SYT13: variants seen among roughly 807,000 people sequenced by gnomAD.
SYT13 encodes the protein synaptotagmin-13.
A neutral mutation model predicts 38.6 loss-of-function variants in SYT13; 21 were observed. The observed-to-expected ratio is 0.54, with a 90% CI of 0.39 to 0.78. SYT13 has a LOEUF of 0.78. Among genes scored for constraint, SYT13 ranks in the 30% least tolerant of loss-of-function variants. The pLI is 0.00. For synonymous variants in SYT13, 241 were observed against 237.6 expected (o/e 1.01, Z -0.13); for missense variants, 495 against 548.7 (o/e 0.90, Z 0.98).
intron 1 of SYT13, among the ~76,000 whole-genome samples, chr11:45,258,119 G>T (rs1275305763): frequency 6.6e-6 from 1 of 152,232 alleles, no homozygotes; most frequent in Non-Finnish European, 1.5e-5. Context: ...GAATCATGCA[G>T]CTGGTGAGGG....
At chr11:45,275,417 C>T (rs930563710) in intron 1 of SYT13, among the ~76,000 whole-genome samples, 9 of 152,176 alleles carry the variant, frequency 5.9e-5, no homozygotes, top group Non-Finnish European at 1.2e-4. Context: ...TGCAACTCCC[C>T]CTCATTATTT....
Position 45,243,811 on chromosome 11 carries a change from T to A in SYT13, c.*241A>T, listed in dbSNP as rs1854581273. On this transcript the variant is annotated 3_prime_UTR_variant, in exon 6 of 6. Coordinates refer to ENST00000020926, the MANE Select transcript of SYT13 (RefSeq NM_020826.3). ...AAACAGGCATAGGAACTGTATTTAA[T>A]AAGCACCTCCTTCAATAACACAGAT... 1 of 497,774 alleles carries A rather than the reference T, an allele frequency of 2.0e-6. No homozygotes were observed. Among genetic ancestry groups the A allele is most frequent in the African/African-American group, 1.9e-5 (1 of 51,846 alleles). The allele number at this position is 497,774 out of a possible 1,614,324, so 30.8% of individuals were successfully genotyped here.
At chr11:45,254,757 A>G (rs3816205) in intron 2 of SYT13, 146,445 of 186,384 alleles carry the variant, frequency 0.79, 58,972 homozygotes, top group Non-Finnish European at 0.87. Flanking sequence ...GCAGCAGCAT[A>G]GTACACCTAA....
intron 1 of SYT13, among the ~76,000 whole-genome samples, chr11:45,258,182 G>A (rs903976015): frequency 3.3e-5 from 5 of 152,190 alleles, no homozygotes; most frequent in African/African-American, 1.2e-4. Flanking sequence ...TGCCCCCATG[G>A]CTTTCGACAT....
chr11:45,274,020 T>C (rs1396745334), intron 1 of SYT13, among the ~76,000 whole-genome samples: 1 of 152,230 alleles, frequency 6.6e-6, no homozygotes, highest in Non-Finnish European at 1.5e-5. Context: ...GTTTCATGAA[T>C]GAGCAAAGTG....
At chr11:45,246,598 C>T in intron 4 of SYT13, 86 bp from the exon 5 acceptor site, 1 of 1,526,358 alleles carries the variant, frequency 6.6e-7, no homozygotes, top group South Asian at 1.3e-5. Flanking sequence ...TGGAACCATG[C>T]TGGATTTGCA....
rs1413492596 is a variant in SYT13 at position 45,241,722 on chromosome 11, G to A, written c.*2330C>T. 5 of 152,200 alleles carry A rather than the reference G, an allele frequency of 3.3e-5. No individual in the cohort carries two copies. Among genetic ancestry groups the A allele is most frequent in the African/African-American group, 1.2e-4 (5 of 41,454 alleles). The allele number at this position is 152,200 out of a possible 1,614,324, so 9.4% of individuals were successfully genotyped here. ...AATTTTCTAGATTGGAGTAGTAGAT[G>A]TTACCAAGAAGAGAATGCTGGTCAG... On this transcript the variant is annotated 3_prime_UTR_variant, in exon 6 of 6. Transcript: ENST00000020926.
intron 4 of SYT13, among the ~76,000 whole-genome samples, chr11:45,246,972 T>G (rs1213758949): frequency 6.6e-6 from 1 of 152,154 alleles, no homozygotes; most frequent in African/African-American, 2.4e-5. Flanking sequence ...CATTACTATG[T>G]TTGAAAAGAT....
chr11:45,267,441 G>T (rs1411839471), intron 1 of SYT13, among the ~76,000 whole-genome samples: 1 of 152,130 alleles, frequency 6.6e-6, no homozygotes, highest in Non-Finnish European at 1.5e-5. Context: ...GCTTCATTTG[G>T]GGAGTGCACA....
At position 45,254,373 on chromosome 11, in the gene SYT13, G is replaced by A. The variant is rs980337546; in HGVS notation, c.441C>T (p.Thr147=). 1 of 1,613,566 alleles carries A rather than the reference G, an allele frequency of 6.2e-7. No individual in the cohort carries two copies. The highest frequency in any genetic ancestry group is 8.5e-7 in the Non-Finnish European group (1 of 1,179,832). ...AACTGGCAGCCTTCTCTGGGTTCCA[G>A]GTCTCCATGACACAGACATCCTCCA... The part of the protein sequence containing the change: ...GVVEDVCVME[T]WNPEKAASWN... Residue 147 remains threonine, a synonymous_variant, in exon 3 of 6, where the codon ACC becomes ACT. Transcript: ENST00000020926.
chr11:45,249,111 C>CTGCAT (rs1854645535), intron 4 of SYT13, among the ~76,000 whole-genome samples: 1 of 152,180 alleles, frequency 6.6e-6, no homozygotes, highest in African/African-American at 2.4e-5. Context: ...AGACACTTCT[C>CTGCAT]AAAAGAAGAC....
intron 1 of SYT13, among the ~76,000 whole-genome samples, chr11:45,264,290 C>A (rs1347606666): frequency 2.0e-5 from 3 of 152,218 alleles, no homozygotes; most frequent in Admixed American, 2.0e-4. Context: ...GTATAATCCC[C>A]TGTCCTTGAG....
At position 45,243,959 on chromosome 11, in the gene SYT13, C is replaced by T. The variant is rs1854582863; in HGVS notation, c.*93G>A. On this transcript the variant is annotated 3_prime_UTR_variant, in exon 6 of 6. Transcript: ENST00000020926. ...GCCTTGCAAACACATCTGTCACTGT[C>T]TTCTGGGTGTCAGAATGAGGAAAGG... 1 of 1,338,608 alleles carries T rather than the reference C, an allele frequency of 7.5e-7. No individual in the cohort carries two copies. Among genetic ancestry groups the T allele is most frequent in the African/African-American group, 1.5e-5 (1 of 68,884 alleles). 82.9% of individuals were successfully genotyped at this position (1,338,608 alleles called of 1,614,324 possible).
At chr11:45,272,956 C>T (rs866796751) in intron 1 of SYT13, among the ~76,000 whole-genome samples, 38 of 152,342 alleles carry the variant, frequency 2.5e-4, no homozygotes, top group African/African-American at 8.2e-4. Flanking sequence ...TTCATTGGCA[C>T]ACTTCCTCTG....
At position 45,252,310 on chromosome 11, in the gene SYT13, G is replaced by T; in HGVS notation, c.846+111C>A. 1 of 1,291,076 alleles carries T rather than the reference G, an allele frequency of 7.7e-7. No individual in the cohort carries two copies. Among genetic ancestry groups the T allele is most frequent in the Non-Finnish European group, 1.1e-6 (1 of 951,904 alleles). 80.0% of individuals were successfully genotyped at this position (1,291,076 alleles called of 1,614,324 possible). ...AACCTCCCTTCCAGCCCCAAGCCAGGGAGGTCTCTGAGGCTTGTTCCCTAA... is the reference window on the plus strand; with the variant it reads ...AACCTCCCTTCCAGCCCCAAGCCAGTGAGGTCTCTGAGGCTTGTTCCCTAA... On this transcript the variant is annotated intron_variant, in intron 4 of 5. Coordinates refer to ENST00000020926, the MANE Select transcript of SYT13 (RefSeq NM_020826.3). The surrounding 1 kb of genome is among the most constrained non-coding windows in gnomAD (Gnocchi z 4.3).
At chr11:45,251,110 C>T (rs1854668486) in intron 4 of SYT13, among the ~76,000 whole-genome samples, 2 of 152,002 alleles carry the variant, frequency 1.3e-5, no homozygotes, top group Non-Finnish European at 2.9e-5. Context: ...GTACCCTTGG[C>T]CGGGTGCAGT....
intron 1 of SYT13, 94 bp from the exon 2 acceptor site, chr11:45,255,985 G>C: frequency 7.9e-7 from 1 of 1,266,404 alleles, no homozygotes; most frequent in Non-Finnish European, 1.1e-6. Flanking sequence ...ACCTGTTGTA[G>C]GATGCAGAGG....
At chr11:45,262,692 C>T (rs1207561870) in intron 1 of SYT13, among the ~76,000 whole-genome samples, 2 of 150,948 alleles carry the variant, frequency 1.3e-5, no homozygotes, top group African/African-American at 2.4e-5. Flanking sequence ...CACTGTTGCC[C>T]TCCAGCCTGG....
intron 1 of SYT13, chr11:45,285,785 G>T: frequency 2.8e-6 from 2 of 707,346 alleles, no homozygotes; most frequent in South Asian, 3.0e-5. Flanking sequence ...TCTTCTCTCA[G>T]TCCCCACAAG....
Sources: allele counts gnomAD v4.1 joint callset (sites outside exome capture counted in the v4.1 genomes callset), GRCh38; gene constraint gnomAD v4.1.1; non-coding constraint Gnocchi (gnomAD v3.1); transcripts MANE v1.5; gene names NCBI Gene and HGNC (gene_info 2026-07-23, HGNC 2026-07-21).